The following BACH2 variants were observed in gnomAD, a reference collection of about 807,000 sequenced individuals.
The protein encoded by BACH2 is BACH transcriptional regulator 2, also known as transcription regulator protein BACH2.
Under a neutral mutation model 61.8 loss-of-function variants are expected in BACH2, and 5 were observed. That is an observed-to-expected ratio of 0.08 (90% CI 0.04 to 0.17). The LOEUF (loss-of-function observed/expected upper bound fraction) is 0.17. BACH2 is among the 10% of genes least tolerant of loss of function. The probability of loss-of-function intolerance (pLI) is 1.00; values close to 1 mark genes in which losing one functional copy is unlikely to be tolerated. For missense variants in BACH2, 824 were observed against 1,091.1 expected, an observed-to-expected ratio of 0.76 and a Z score of 3.45; for synonymous variants, 446 against 440.1, an observed-to-expected ratio of 1.01 and a Z score of -0.17.
intron 4 of BACH2, among the ~76,000 whole-genome samples, chr6:90,111,091 C>T (rs558415678): frequency 6.6e-6 from 1 of 152,270 alleles, no homozygotes; most frequent in African/African-American, 2.4e-5. Context: ...CATTACATTT[C>T]ACTAGCAGTG....
rs532013885 is a variant in BACH2, at chr6:90,055,647, G to A, written c.-13+33314C>T. ...ACGCCACAAAGATACTCCTCGAGAA[G>A]AGCAACTCCAAGACACGTAATTGTC... On this transcript the variant is annotated intron_variant, in intron 5 of 8. Coordinates refer to ENST00000257749, the MANE Select transcript of BACH2 (RefSeq NM_021813.4). 8.9e-3 allele frequency among the ~76,000 whole-genome samples: 1,259 copies of A among 142,086 alleles called. 12 individuals are homozygous for A. The highest frequency in any genetic ancestry group is 0.014 in the Non-Finnish European group (937 of 68,014). 93.2% of individuals were successfully genotyped at this position (142,086 alleles called of 152,430 possible).
At chr6:90,154,378 G>A (rs1469080257) in intron 4 of BACH2, among the ~76,000 whole-genome samples, 1 of 152,154 alleles carries the variant, frequency 6.6e-6, no homozygotes, top group African/African-American at 2.4e-5. Context: ...GTAGTCAATA[G>A]TGTCTTAAAA....
rs777755082 is a variant in BACH2, at chr6:89,950,756, C to A, written c.1350G>T (p.Gly450=). ...QVSTSVHSYS[G]VSSLDKDLSE... ...AGAGGTCTTTGTCCAAACTGCTCAC[C>A]CCAGAATAAGAATGCACCGAGGTGC... The change falls in exon 7 of 9, where the codon GGG becomes GGT. Residue 450 remains glycine (G), a synonymous_variant. Coordinates refer to ENST00000257749, the MANE Select transcript of BACH2 (RefSeq NM_021813.4). The surrounding 1 kb of genome is among the most constrained non-coding windows in gnomAD (Gnocchi z 5.3). 2 of 1,614,022 alleles carry A rather than the reference C, an allele frequency of 1.2e-6. No individual in the cohort carries two copies. The highest frequency in any genetic ancestry group is 2.2e-5 in the East Asian group (1 of 44,872).
At chr6:90,031,453 C>A (rs1190444802) in intron 5 of BACH2, among the ~76,000 whole-genome samples, 2 of 152,118 alleles carry the variant, frequency 1.3e-5, no homozygotes, top group Non-Finnish European at 2.9e-5. Context: ...ATCTAGAAAA[C>A]CCCATCTTCT....
At chr6:90,046,909 A>C (rs1779805923) in intron 5 of BACH2, among the ~76,000 whole-genome samples, 1 of 146,862 alleles carries the variant, frequency 6.8e-6, no homozygotes. Context: ...GCCCAGGCCA[A>C]TTGCCCATGT....
chr6:90,110,009 A>G (rs1431083036), intron 4 of BACH2, among the ~76,000 whole-genome samples: 1 of 152,270 alleles, frequency 6.6e-6, no homozygotes, highest in Non-Finnish European at 1.5e-5. Context: ...ATGAAAATTA[A>G]TACATTTTAC....
chr6:90,122,470 CCA>C (rs1783670393), intron 4 of BACH2, among the ~76,000 whole-genome samples: 1 of 152,196 alleles, frequency 6.6e-6, no homozygotes, highest in Non-Finnish European at 1.5e-5. Flanking sequence ...GGATACATGG[CCA>C]CACTCATTTT....
At chr6:90,030,302 G>C (rs114352121) in intron 5 of BACH2, among the ~76,000 whole-genome samples, 2 of 152,100 alleles carry the variant, frequency 1.3e-5, no homozygotes, top group African/African-American at 4.8e-5. Context: ...ATGTGACAGC[G>C]ACCACAGCCC....
intron 4 of BACH2, among the ~76,000 whole-genome samples, chr6:90,111,192 C>T (rs1000400303): frequency 1.3e-5 from 2 of 152,066 alleles, no homozygotes; most frequent in Non-Finnish European, 2.9e-5. Flanking sequence ...TCTTGCGGGC[C>T]CCCAGGAACC....
intron 2 of BACH2, among the ~76,000 whole-genome samples, chr6:90,254,352 C>T (rs145006171): frequency 6.6e-6 from 1 of 151,824 alleles, no homozygotes; most frequent in Non-Finnish European, 1.5e-5. Context: ...ATTAAATAAA[C>T]ATTTTTAAAA....
chr6:90,186,071 T>C (rs1768346638), intron 4 of BACH2, among the ~76,000 whole-genome samples: 1 of 152,214 alleles, frequency 6.6e-6, no homozygotes, highest in African/African-American at 2.4e-5. Flanking sequence ...CTCTACCATA[T>C]TTAAAGTAGA....
intron 5 of BACH2, among the ~76,000 whole-genome samples, chr6:90,071,928 G>A (rs566175387): frequency 2.6e-5 from 4 of 151,992 alleles, no homozygotes; most frequent in South Asian, 4.1e-4. Context: ...TCATCCTCAC[G>A]GTATTCACAT....
intron 4 of BACH2, among the ~76,000 whole-genome samples, chr6:90,094,821 T>G (rs1228929709): frequency 1.3e-5 from 2 of 152,098 alleles, no homozygotes; most frequent in African/African-American, 4.8e-5. Context: ...TAAGTCAGAC[T>G]TTTGATTTTT....
chr6:90,075,492 A>C (rs890980080), intron 5 of BACH2, among the ~76,000 whole-genome samples: 1 of 152,122 alleles, frequency 6.6e-6, no homozygotes, highest in African/African-American at 2.4e-5. Flanking sequence ...TGGCTTTCCA[A>C]GTGTGTTGGC....
At chr6:90,265,316 GA>G (rs150354156) in intron 2 of BACH2, among the ~76,000 whole-genome samples, 8,171 of 152,206 alleles carry the variant, frequency 0.054, 424 homozygotes, top group Non-Finnish European at 0.079. Flanking sequence ...AGCACCCAAA[GA>G]GTGCTCAAAA....
chr6:90,240,327 A>G (rs942089636), intron 3 of BACH2, among the ~76,000 whole-genome samples: 2 of 152,224 alleles, frequency 1.3e-5, no homozygotes, highest in Admixed American at 6.5e-5. Flanking sequence ...AAGTAATTCT[A>G]ACATCAGTGA....
chr6:89,967,645 G>A (rs1285433301), intron 6 of BACH2, among the ~76,000 whole-genome samples: 2 of 152,338 alleles, frequency 1.3e-5, no homozygotes, highest in Non-Finnish European at 2.9e-5. Context: ...CAGGTGTCTG[G>A]ATGGCATCGT....
At chr6:90,290,453 A>C (rs1772144266) in intron 1 of BACH2, among the ~76,000 whole-genome samples, 1 of 152,242 alleles carries the variant, frequency 6.6e-6, no homozygotes. Context: ...GATACTCAGT[A>C]TATATTTGTT....
intron 4 of BACH2, among the ~76,000 whole-genome samples, chr6:90,145,731 C>T (rs775062286): frequency 3.9e-5 from 6 of 152,116 alleles, no homozygotes; most frequent in Non-Finnish European, 8.8e-5. Flanking sequence ...ATTAAGTCTC[C>T]CTCTGACGAA....
Sources: allele counts gnomAD v4.1 joint callset (sites outside exome capture counted in the v4.1 genomes callset), GRCh38; gene constraint gnomAD v4.1.1; non-coding constraint Gnocchi (gnomAD v3.1); transcripts MANE v1.5; gene names NCBI Gene and HGNC (gene_info 2026-07-23, HGNC 2026-07-21).